The following KCNJ3 variants were observed in gnomAD, a reference collection of about 807,000 sequenced individuals.
KCNJ3 encodes G protein-activated inward rectifier potassium channel 1.
In KCNJ3, 4 loss-of-function variants were observed where a neutral mutation model predicts 39.2. The observed-to-expected ratio is 0.10, with a 90% CI of 0.05 to 0.23. The LOEUF (loss-of-function observed/expected upper bound fraction) is 0.23, where lower values mean the gene tolerates loss of function less well. Among genes scored for constraint, KCNJ3 ranks in the 10% least tolerant of loss-of-function variants. KCNJ3 has a pLI of 1.00. For missense variants in KCNJ3, 276 were observed against 634.9 expected, an observed-to-expected ratio of 0.43 and a Z score of 6.08; for synonymous variants, 230 against 237.4, an observed-to-expected ratio of 0.97 and a Z score of 0.29.
Position 154,699,516 on chromosome 2 carries a change from G to C in KCNJ3, c.702+39G>C. The C allele has an allele frequency of 6.6e-7, 1 of 1,521,594 alleles. No homozygotes were observed. Among genetic ancestry groups the C allele is most frequent in the Non-Finnish European group, 8.8e-7 (1 of 1,138,016 alleles). 94.3% of individuals were successfully genotyped at this position (1,521,594 alleles called of 1,614,324 possible). A position where few individuals can be genotyped will look rare whatever the true frequency, so the allele number is the denominator to read the frequency against. On this transcript the variant is annotated intron_variant, in intron 1 of 2. Coordinates refer to ENST00000295101, the MANE Select transcript of KCNJ3 (RefSeq NM_002239.4). The surrounding 1 kb of genome is among the most constrained non-coding windows in gnomAD (Gnocchi z 6.4). ...GCCCCTTCCCCACCGGGAGACCTGC[G>C]TCCCCCAAACCCGCGGAGTAACTCG... is the stretch of plus-strand genomic sequence containing the variant.
intron 2 of KCNJ3, among the ~76,000 whole-genome samples, chr2:154,798,316 TCCTATA>T (rs1686756194): frequency 6.6e-6 from 1 of 151,874 alleles, no homozygotes; most frequent in Non-Finnish European, 1.5e-5. Context: ...AGACTAAACG[TCCTATA>T]CCTCAAATAT....
At chr2:154,807,202 AG>A (rs1167350860) in intron 2 of KCNJ3, among the ~76,000 whole-genome samples, 10 of 152,284 alleles carry the variant, frequency 6.6e-5, no homozygotes, top group Non-Finnish European at 1.3e-4. Flanking sequence ...CATTGATCTG[AG>A]GACTACAGGA....
chr2:154,757,667 C>G (rs1218523559), intron 2 of KCNJ3, among the ~76,000 whole-genome samples: 1 of 152,140 alleles, frequency 6.6e-6, no homozygotes, highest in African/African-American at 2.4e-5. Flanking sequence ...ATACTTTAGG[C>G]TATGTAATTT....
chr2:154,813,547 A>G (rs1229252395), intron 2 of KCNJ3, among the ~76,000 whole-genome samples: 1 of 152,120 alleles, frequency 6.6e-6, no homozygotes, highest in Non-Finnish European at 1.5e-5. Context: ...CTGGTAGAAC[A>G]TAGGTTTAGA....
chr2:154,702,807 A>C (rs1298653832), intron 1 of KCNJ3, among the ~76,000 whole-genome samples: 2 of 151,942 alleles, frequency 1.3e-5, no homozygotes, highest in Non-Finnish European at 2.9e-5. Flanking sequence ...TTTTAAGATG[A>C]ATATTCTTTC....
intron 2 of KCNJ3, among the ~76,000 whole-genome samples, chr2:154,761,211 A>G (rs937553716): frequency 7.3e-5 from 11 of 151,356 alleles, no homozygotes; most frequent in Non-Finnish European, 2.9e-5. Context: ...TTTAATATGG[A>G]TAGTTGACTT....
At chr2:154,814,294 C>A (rs763561038) in intron 2 of KCNJ3, among the ~76,000 whole-genome samples, 2 of 152,008 alleles carry the variant, frequency 1.3e-5, no homozygotes, top group African/African-American at 4.8e-5. Flanking sequence ...TCTAATATAA[C>A]GTATAAGTAT....
chr2:154,761,851 G>A (rs1035007344), intron 2 of KCNJ3, among the ~76,000 whole-genome samples: 5 of 152,060 alleles, frequency 3.3e-5, no homozygotes, highest in African/African-American at 7.2e-5. Context: ...TGTCCAGGTC[G>A]TAATCCTCAG....
intron 2 of KCNJ3, among the ~76,000 whole-genome samples, chr2:154,754,793 T>C (rs1245981686): frequency 6.6e-6 from 1 of 152,186 alleles, no homozygotes; most frequent in Admixed American, 6.5e-5. Context: ...TTTTTCTCCA[T>C]TTTTAAGAAT....
chr2:154,823,157 A>T (rs1487696517), intron 2 of KCNJ3, among the ~76,000 whole-genome samples: 1 of 152,150 alleles, frequency 6.6e-6, no homozygotes, highest in Non-Finnish European at 1.5e-5. Context: ...GGTACTAATA[A>T]AAAGTATGGT....
chr2:154,820,236 A>T lies in KCNJ3; in HGVS notation c.920-34491A>T, dbSNP rs547352486. On this transcript the variant is annotated intron_variant, in intron 2 of 2. Transcript: ENST00000295101. ...CCTTGTTGCATATACAGCCCACTTT[A>T]TCTCCCAACGTTATCGAGTTATTGA... Among the ~76,000 whole-genome samples the T allele has an allele frequency of 3.0e-3, 457 of 152,204 alleles. 2 individuals carry two copies. Among genetic ancestry groups the T allele is most frequent in the Non-Finnish European group, 5.0e-3 (340 of 68,004 alleles).
At chr2:154,799,405 T>A (rs544372995) in intron 2 of KCNJ3, among the ~76,000 whole-genome samples, 1 of 152,310 alleles carries the variant, frequency 6.6e-6, no homozygotes, top group East Asian at 1.9e-4. Flanking sequence ...ATTACAGGCA[T>A]GAGCCACTGT....
chr2:154,720,996 T>C (rs1685255659), intron 2 of KCNJ3, among the ~76,000 whole-genome samples: 1 of 151,786 alleles, frequency 6.6e-6, no homozygotes, highest in African/African-American at 2.4e-5. Context: ...TGTTTCAGCA[T>C]GTGTTATCTA....
chr2:154,716,492 G>A (rs1685184125), intron 2 of KCNJ3, among the ~76,000 whole-genome samples: 1 of 151,682 alleles, frequency 6.6e-6, no homozygotes, highest in Admixed American at 6.6e-5. Flanking sequence ...TATTGGCTAC[G>A]AATTTTATTT....
intron 2 of KCNJ3, among the ~76,000 whole-genome samples, chr2:154,824,940 A>T (rs1476652360): frequency 2.0e-5 from 3 of 152,158 alleles, no homozygotes; most frequent in Non-Finnish European, 2.9e-5. Context: ...AATCCTCTTT[A>T]TGGGAAAATA....
At chr2:154,766,587 C>T (rs997218508) in intron 2 of KCNJ3, among the ~76,000 whole-genome samples, 2 of 151,948 alleles carry the variant, frequency 1.3e-5, no homozygotes, top group African/African-American at 4.8e-5. Flanking sequence ...GACGGAATCT[C>T]ACTCTGTCAC....
At chr2:154,846,811 A>AACCTT (rs1687671205) in intron 2 of KCNJ3, among the ~76,000 whole-genome samples, 1 of 152,168 alleles carries the variant, frequency 6.6e-6, no homozygotes, top group Non-Finnish European at 1.5e-5. Context: ...GGAGCTTAGA[A>AACCTT]ACCTTAAGTA....
chr2:154,845,650 T>C (rs1256155863), intron 2 of KCNJ3, among the ~76,000 whole-genome samples: 1 of 152,126 alleles, frequency 6.6e-6, no homozygotes, highest in Non-Finnish European at 1.5e-5. Context: ...ATTTCCACTG[T>C]TAGGTTAAAG....
intron 2 of KCNJ3, 158 bp downstream of exon 2, chr2:154,709,977 A>G: frequency 1.1e-6 from 1 of 872,700 alleles, no homozygotes; most frequent in Non-Finnish European, 1.7e-6. Flanking sequence ...AATTGATACC[A>G]TTTTGAAAAT....
Sources: gnomAD v4.1 joint callset for allele counts (sites outside exome capture counted in the v4.1 genomes callset) on GRCh38, gnomAD v4.1.1 for gene constraint, Gnocchi (gnomAD v3.1) non-coding constraint, MANE v1.5 for transcripts, NCBI Gene and HGNC (gene_info 2026-07-23, HGNC 2026-07-21) for gene names.